The following SLC39A11 variants were observed in gnomAD, a reference collection of about 807,000 sequenced individuals.
The protein encoded by SLC39A11 is solute carrier family 39 member 11.
In SLC39A11, 33 loss-of-function variants were observed where a neutral mutation model predicts 36.1. The ratio of observed to expected loss-of-function variants is 0.91; its 90% CI spans 0.69 to 1.22. SLC39A11 has a LOEUF of 1.22. SLC39A11 is among the 50% of genes most tolerant of loss of function. SLC39A11 has a pLI of 0.00. For synonymous variants in SLC39A11, 166 were observed against 170.3 expected, an observed-to-expected ratio of 0.97 and a Z score of 0.20; for missense variants, 432 against 430.3, an observed-to-expected ratio of 1.00 and a Z score of -0.03.
intron 4 of SLC39A11, among the ~76,000 whole-genome samples, chr17:72,955,907 G>A (rs934775145): frequency 6.6e-6 from 1 of 151,984 alleles, no homozygotes; most frequent in Non-Finnish European, 1.5e-5. Flanking sequence ...AAAGCGTGAC[G>A]TTCCATCCAC....
chr17:73,000,969 C>T (rs761566019), intron 4 of SLC39A11, among the ~76,000 whole-genome samples: 4 of 152,074 alleles, frequency 2.6e-5, no homozygotes, highest in Non-Finnish European at 4.4e-5. Flanking sequence ...CTGTGGCAGC[C>T]GTAATTCATT....
At chr17:73,031,413 C>T in intron 4 of SLC39A11, 143 bp downstream of exon 4, 1 of 858,004 alleles carries the variant, frequency 1.2e-6, no homozygotes, top group Non-Finnish European at 1.8e-6. Flanking sequence ...CGATCAGTTC[C>T]TCTAATGCCT....
intron 5 of SLC39A11, among the ~76,000 whole-genome samples, chr17:72,856,460 A>T (rs1039735544): frequency 6.6e-6 from 1 of 152,204 alleles, no homozygotes; most frequent in Non-Finnish European, 1.5e-5. Flanking sequence ...AGGTTTGTCA[A>T]TGAGACCTAG....
intron 7 of SLC39A11, among the ~76,000 whole-genome samples, chr17:72,730,975 C>T (rs988440783): frequency 6.6e-6 from 1 of 152,202 alleles, no homozygotes; most frequent in Non-Finnish European, 1.5e-5. Context: ...TGGTCTCGAA[C>T]TCCTGACCTC....
intron 6 of SLC39A11, among the ~76,000 whole-genome samples, chr17:72,749,783 A>T (rs1380785828): frequency 6.6e-6 from 1 of 151,972 alleles, no homozygotes; most frequent in African/African-American, 2.4e-5. Flanking sequence ...TCTCTGCTTG[A>T]TCCTAGGAAA....
At chr17:73,047,694 G>A (rs564619030) in intron 3 of SLC39A11, among the ~76,000 whole-genome samples, 13 of 151,934 alleles carry the variant, frequency 8.6e-5, no homozygotes, top group East Asian at 1.9e-4. Flanking sequence ...TAGGCTGGGC[G>A]AGGTAGCGCA....
chr17:72,988,954 T>C lies in SLC39A11; in HGVS notation c.307-41079A>G, dbSNP rs981302556. ...GGCAGAGCATGGTGGCTCACGCCTG[T>C]CATCCGAGCACTTTGGGAAGCCGAG... On this transcript the variant is annotated intron_variant, in intron 4 of 9. Transcript: ENST00000255559. Among the ~76,000 whole-genome samples, 3 of 152,264 alleles carry C rather than the reference T, an allele frequency of 2.0e-5. No individual in the cohort carries two copies. The South Asian group carries it at 6.2e-4, about 32-fold the overall frequency.
At chr17:72,853,069 C>A (rs1187552446) in intron 5 of SLC39A11, among the ~76,000 whole-genome samples, 1 of 152,168 alleles carries the variant, frequency 6.6e-6, no homozygotes, top group Non-Finnish European at 1.5e-5. Flanking sequence ...GGCTAGAGTG[C>A]AGTGGCACAA....
chr17:72,746,499 C>G (rs374102869), intron 6 of SLC39A11, among the ~76,000 whole-genome samples: 12 of 152,192 alleles, frequency 7.9e-5, no homozygotes, highest in Admixed American at 4.6e-4. Flanking sequence ...ACCTATAACC[C>G]CATCACTTTG....
chr17:72,986,500 G>T (rs893111431), intron 4 of SLC39A11, among the ~76,000 whole-genome samples: 2 of 152,134 alleles, frequency 1.3e-5, no homozygotes, highest in African/African-American at 4.8e-5. Flanking sequence ...ACCCTCCAAG[G>T]ACCCTTCCAA....
At chr17:72,852,608 T>G (rs2079418742) in intron 5 of SLC39A11, among the ~76,000 whole-genome samples, 1 of 152,210 alleles carries the variant, frequency 6.6e-6, no homozygotes, top group South Asian at 2.1e-4. Flanking sequence ...TATGTGCGTG[T>G]GGGTGCATAC....
chr17:73,004,171 G>GAAAGAAAGA (rs1568105143), intron 4 of SLC39A11, among the ~76,000 whole-genome samples: 6 of 59,934 alleles, frequency 1.0e-4, no homozygotes, highest in African/African-American at 4.0e-4. Context: ...AAAAAAGAAA[G>GAAAGAAAGA]AAAGAAAGAA....
At chr17:72,911,198 T>C (rs1426643795) in intron 5 of SLC39A11, among the ~76,000 whole-genome samples, 1 of 151,852 alleles carries the variant, frequency 6.6e-6, no homozygotes, top group African/African-American at 2.4e-5. Flanking sequence ...AAAACACTCA[T>C]AGGTGGGAAT....
At chr17:72,745,607 G>A (rs546685865) in intron 6 of SLC39A11, among the ~76,000 whole-genome samples, 8 of 152,174 alleles carry the variant, frequency 5.3e-5, no homozygotes, top group South Asian at 2.1e-4. Context: ...ACTATTCTCC[G>A]CCCTGTGCCT....
intron 5 of SLC39A11, among the ~76,000 whole-genome samples, chr17:72,876,391 T>A (rs1326637432): frequency 1.3e-5 from 2 of 152,232 alleles, no homozygotes; most frequent in Non-Finnish European, 2.9e-5. Flanking sequence ...TGTCTCTGCT[T>A]GTTAGAACAT....
intron 5 of SLC39A11, among the ~76,000 whole-genome samples, chr17:72,853,495 G>A (rs1468057039): frequency 1.3e-5 from 2 of 151,998 alleles, no homozygotes; most frequent in Admixed American, 1.3e-4. Context: ...ACCGCACAGA[G>A]AGCAACAGAC....
intron 4 of SLC39A11, among the ~76,000 whole-genome samples, chr17:73,029,398 T>C (rs1032269730): frequency 9.9e-5 from 15 of 151,884 alleles, no homozygotes; most frequent in East Asian, 1.9e-4. Flanking sequence ...TGCTCAGGGA[T>C]TGAAGCCACT....
chr17:72,909,161 G>A (rs1286707257), intron 5 of SLC39A11, among the ~76,000 whole-genome samples: 1 of 152,172 alleles, frequency 6.6e-6, no homozygotes, highest in Non-Finnish European at 1.5e-5. Context: ...CTGGAGTAAA[G>A]TGGGGCAGTT....
chr17:72,846,965 G>A (rs1227483298), intron 6 of SLC39A11, among the ~76,000 whole-genome samples: 1 of 152,112 alleles, frequency 6.6e-6, no homozygotes, highest in Non-Finnish European at 1.5e-5. Flanking sequence ...GGGGACCAAG[G>A]GGTCTTTCAA....
Sources: allele counts gnomAD v4.1 joint callset (sites outside exome capture counted in the v4.1 genomes callset), GRCh38; gene constraint gnomAD v4.1.1; transcripts MANE v1.5; gene names NCBI Gene and HGNC (gene_info 2026-07-23, HGNC 2026-07-21).